CLIC5: variants seen among roughly 807,000 people sequenced by gnomAD.
CLIC5 encodes chloride intracellular channel protein 5.
CLIC5 carries 20 observed loss-of-function variants against 24.7 expected under a neutral mutation model. The observed-to-expected ratio is 0.81, with a 90% CI of 0.57 to 1.18. CLIC5 has a LOEUF of 1.18. CLIC5 is among the 50% of genes most tolerant of loss of function. The pLI, the probability that CLIC5 is intolerant of heterozygous loss-of-function variation, is 0.00. For missense variants in CLIC5, 341 were observed against 326.1 expected (o/e 1.05, Z -0.35); for synonymous variants, 159 against 135.6 (o/e 1.17, Z -1.20).
intron 1 of CLIC5, among the ~76,000 whole-genome samples, chr6:46,047,216 C>T (rs1325943290): frequency 6.6e-6 from 1 of 152,164 alleles, no homozygotes; most frequent in Admixed American, 6.5e-5. Context: ...TTAAATTAGG[C>T]ATATATTTAG....
the CLIC5 span, among the ~76,000 whole-genome samples, chr6:46,128,112 T>C: frequency 6.6e-6 from 1 of 152,192 alleles, no homozygotes; most frequent in Non-Finnish European, 1.5e-5. Flanking sequence ...GTGGTTGAAA[T>C]GGTAAATATA....
chr6:45,885,700 G>A (rs55662102), intron 6 of CLIC5, among the ~76,000 whole-genome samples: 3,105 of 152,308 alleles, frequency 0.02, 121 homozygotes, highest in African/African-American at 0.07. Flanking sequence ...AAACAAAGTC[G>A]TAGAGACCTT....
chr6:46,013,661 A>G (rs1267913161), intron 1 of CLIC5, among the ~76,000 whole-genome samples: 2 of 152,214 alleles, frequency 1.3e-5, no homozygotes, highest in Admixed American at 6.5e-5. Context: ...ATATAAATGG[A>G]GAGACTCTCC....
At chr6:45,984,918 G>A (rs566956605) in intron 1 of CLIC5, among the ~76,000 whole-genome samples, 1 of 152,192 alleles carries the variant, frequency 6.6e-6, no homozygotes, top group African/African-American at 2.4e-5. Flanking sequence ...AGGGAAACAA[G>A]GTCGGTAACT....
chr6:46,032,981 A>ATTTT (rs35845581), intron 1 of CLIC5, among the ~76,000 whole-genome samples: 8 of 79,024 alleles, frequency 1.0e-4, no homozygotes, highest in Middle Eastern at 6.4e-3. Flanking sequence ...GGAAATCTAC[A>ATTTT]TTTTTTTTTT....
intron 1 of CLIC5, among the ~76,000 whole-genome samples, chr6:46,078,631 C>T (rs1379248840): frequency 6.6e-6 from 1 of 152,180 alleles, no homozygotes; most frequent in Admixed American, 6.6e-5. Context: ...AGGGCCTTGT[C>T]TTGCACAGCC....
chr6:46,057,044 C>T (rs1768279592), intron 1 of CLIC5, among the ~76,000 whole-genome samples: 1 of 152,210 alleles, frequency 6.6e-6, no homozygotes, highest in Non-Finnish European at 1.5e-5. Flanking sequence ...AAATGATCCT[C>T]ATTGCATTTT....
chr6:45,916,673 T>C (rs1459415669), intron 4 of CLIC5, among the ~76,000 whole-genome samples: 2 of 152,346 alleles, frequency 1.3e-5, no homozygotes, highest in East Asian at 3.9e-4. Context: ...TCATGAAATT[T>C]GGTGAAAAGC....
At chr6:46,041,062 G>A (rs1023041657) in intron 1 of CLIC5, among the ~76,000 whole-genome samples, 8 of 152,124 alleles carry the variant, frequency 5.3e-5, no homozygotes, top group Non-Finnish European at 1.0e-4. Flanking sequence ...AGAAAATTGT[G>A]ATACATCAAG....
chr6:45,956,365 G>A (rs573106202), intron 1 of CLIC5, among the ~76,000 whole-genome samples: 6 of 152,142 alleles, frequency 3.9e-5, no homozygotes, highest in Admixed American at 1.3e-4. Flanking sequence ...AGGTGGCCTG[G>A]CAGGGCATTC....
chr6:45,969,571 G>T (rs1200221548), intron 1 of CLIC5, among the ~76,000 whole-genome samples: 2 of 151,992 alleles, frequency 1.3e-5, no homozygotes, highest in East Asian at 3.9e-4. Flanking sequence ...ATTGAATGGA[G>T]ATGGCTGAAA....
intron 1 of CLIC5, among the ~76,000 whole-genome samples, chr6:45,969,225 C>G (rs1765114132): frequency 6.6e-6 from 1 of 152,124 alleles, no homozygotes; most frequent in South Asian, 2.1e-4. Context: ...ATTCTGAAAA[C>G]ACAGGCAGCT....
chr6:45,920,169 C>T (rs2127325330), intron 4 of CLIC5: 5 of 978,972 alleles, frequency 5.1e-6, no homozygotes, highest in Non-Finnish European at 6.1e-6. Context: ...GCTACCAGTG[C>T]TTGATTTCAG....
chr6:46,076,827 C>A (rs1397208727), intron 1 of CLIC5, among the ~76,000 whole-genome samples: 1 of 152,110 alleles, frequency 6.6e-6, no homozygotes, highest in African/African-American at 2.4e-5. Context: ...TTGTCTCTCC[C>A]ACTACAATGC....
intron 1 of CLIC5, among the ~76,000 whole-genome samples, chr6:46,021,767 T>C (rs1767191872): frequency 6.6e-6 from 1 of 152,218 alleles, no homozygotes. Flanking sequence ...GATCAGTGGC[T>C]GCCAGGGACT....
intron 1 of CLIC5, among the ~76,000 whole-genome samples, chr6:46,066,363 T>A (rs1762442970): frequency 6.6e-6 from 1 of 152,112 alleles, no homozygotes; most frequent in Non-Finnish European, 1.5e-5. Flanking sequence ...GAATTTTCCT[T>A]CTCTGTTTTC....
intron 4 of CLIC5, among the ~76,000 whole-genome samples, chr6:45,929,943 C>A (rs1763662530): frequency 6.6e-6 from 1 of 152,228 alleles, no homozygotes; most frequent in Admixed American, 6.5e-5. Flanking sequence ...CCGCATCCAT[C>A]CCCTGGATGG....
the CLIC5 span, among the ~76,000 whole-genome samples, chr6:46,093,974 G>A: frequency 6.6e-6 from 1 of 152,202 alleles, no homozygotes; most frequent in African/African-American, 2.4e-5. Context: ...ATCTGCTTCT[G>A]GGGAAGCCTC....
chr6:45,946,287 G>A lies in CLIC5; in HGVS notation c.299+2969C>T, dbSNP rs554121453. The stretch of plus-strand genomic sequence containing the variant: ...CCAGCATTAATCACAACACTTCCTT[G>A]TCGAGTGTTCACTAGATCAATCTAA... On this transcript the variant is annotated intron_variant, in intron 3 of 5. Transcript: ENST00000339561. Among the ~76,000 whole-genome samples, 56 of 152,312 alleles carry A rather than the reference G, an allele frequency of 3.7e-4. No homozygotes were observed. In the South Asian group the frequency reaches 0.011, roughly 31 times the overall value.
Sources: gnomAD v4.1 joint callset for allele counts (sites outside exome capture counted in the v4.1 genomes callset) on GRCh38, gnomAD v4.1.1 for gene constraint, MANE v1.5 for transcripts, NCBI Gene and HGNC (gene_info 2026-07-23, HGNC 2026-07-21) for gene names.